CSMD1: variants seen among roughly 807,000 people sequenced by gnomAD.
CSMD1 encodes CUB and sushi domain-containing protein 1.
In CSMD1, 213 loss-of-function variants were observed where a neutral mutation model predicts 417.5. That is an observed-to-expected ratio of 0.51 (90% confidence interval 0.46 to 0.57). The LOEUF is 0.57. Ranked by LOEUF, CSMD1 falls within the 20% of genes least tolerant of loss-of-function variation. The probability of loss-of-function intolerance (pLI) is 0.00; values close to 1 mark genes in which losing one functional copy is unlikely to be tolerated. For synonymous variants in CSMD1, 2,862 were observed against 1,736.8 expected, an observed-to-expected ratio of 1.65 and a Z score of -16.11; for missense variants, 6,923 against 4,529.7, an observed-to-expected ratio of 1.53 and a Z score of -15.17.
At chr8:4,179,282 C>T (rs1461065125) in intron 3 of CSMD1, among the ~76,000 whole-genome samples, 1 of 152,122 alleles carries the variant, frequency 6.6e-6, no homozygotes, top group African/African-American at 2.4e-5. Flanking sequence ...CACGTATCTA[C>T]AACTATCTGA....
intron 3 of CSMD1, among the ~76,000 whole-genome samples, chr8:4,323,755 C>G (rs527541507): frequency 1.6e-5 from 1 of 61,008 alleles, no homozygotes; most frequent in Non-Finnish European, 5.4e-5. Context: ...CTCAAATATC[C>G]CCCCCTTCCC....
intron 3 of CSMD1, among the ~76,000 whole-genome samples, chr8:4,331,752 G>A (rs187916583): frequency 4.6e-5 from 7 of 152,064 alleles, no homozygotes; most frequent in East Asian, 1.9e-4. Flanking sequence ...AACCAGCTTC[G>A]GTCCATGTGC....
intron 1 of CSMD1, among the ~76,000 whole-genome samples, chr8:4,703,492 CAT>C (rs10610482): frequency 0.018 from 2,750 of 152,200 alleles, 34 homozygotes; most frequent in Non-Finnish European, 0.03. Flanking sequence ...TTATTTAAAA[CAT>C]GTATACTTCA....
rs531522160 is a variant in CSMD1, at chr8:4,387,808, T to A, written c.415+32145A>T. 9.2e-5 allele frequency among the ~76,000 whole-genome samples: 14 copies of A among 152,258 alleles called. No homozygotes were observed. In the South Asian group the frequency reaches 2.9e-3, roughly 32 times the overall value. On this transcript the variant is annotated intron_variant, in intron 3 of 69. Transcript: ENST00000635120. ...ACAAGACGGATTTTGAATATGCACT[T>A]CAAACCGTGTAGGTTTCTTTTCATA... is the stretch of plus-strand genomic sequence containing the variant.
In CSMD1 at chr8:4,416,994, T is replaced by C. The variant is rs78433737; in HGVS notation, c.415+2959A>G. ...TGTCAAAGACAGCTATGCAACTATG[T>C]TGGTTCACAATTAAGACTAATGTCC... is the stretch of plus-strand genomic sequence containing the variant. On this transcript the variant is annotated intron_variant, in intron 3 of 69. Coordinates refer to ENST00000635120, the MANE Select transcript of CSMD1 (RefSeq NM_033225.6). Among the ~76,000 whole-genome samples the C allele has an allele frequency of 5.8e-3, 879 of 152,160 alleles. 32 individuals carry two copies. The East Asian group carries it at 0.09, about 16-fold the overall frequency.
At chr8:4,179,088 A>C in intron 3 of CSMD1, among the ~76,000 whole-genome samples, 1 of 152,174 alleles carries the variant, frequency 6.6e-6, no homozygotes, top group Non-Finnish European at 1.5e-5. Context: ...TTTAAAGTTC[A>C]TATGGAAACA....
chr8:3,238,268 T>C (rs1459122940), intron 26 of CSMD1, among the ~76,000 whole-genome samples: 1 of 151,928 alleles, frequency 6.6e-6, no homozygotes. Flanking sequence ...GATAATGTCA[T>C]CAGTTAAGGC....
At chr8:4,350,961 T>C (rs1450884471) in intron 3 of CSMD1, among the ~76,000 whole-genome samples, 1 of 152,140 alleles carries the variant, frequency 6.6e-6, no homozygotes, top group Non-Finnish European at 1.5e-5. Flanking sequence ...CAAGTCATCG[T>C]TTAAAGCTTC....
intron 2 of CSMD1, among the ~76,000 whole-genome samples, chr8:4,452,502 G>C (rs767429234): frequency 6.6e-6 from 1 of 152,120 alleles, no homozygotes; most frequent in Admixed American, 6.6e-5. Context: ...GCTAACTACA[G>C]CTTTAATTTT....
At chr8:3,206,465 G>T (rs571939423) in intron 30 of CSMD1, among the ~76,000 whole-genome samples, 1 of 73,108 alleles carries the variant, frequency 1.4e-5, no homozygotes, top group Admixed American at 1.6e-4. Flanking sequence ...GTGTGTGGGG[G>T]GGTTATGTCT....
At chr8:4,955,035 G>T (rs13282812) in intron 1 of CSMD1, among the ~76,000 whole-genome samples, 69,439 of 151,860 alleles carry the variant, frequency 0.46, 16,597 homozygotes, top group African/African-American at 0.58. Context: ...TGATTTTCTC[G>T]GGACATCCAT....
intron 26 of CSMD1, among the ~76,000 whole-genome samples, chr8:3,281,611 G>A (rs570169299): frequency 2.0e-5 from 3 of 151,998 alleles, no homozygotes; most frequent in South Asian, 4.2e-4. Flanking sequence ...TTCTAACTCT[G>A]TGACTTTCAG....
intron 26 of CSMD1, among the ~76,000 whole-genome samples, chr8:3,244,943 T>C (rs1455470862): frequency 6.6e-6 from 1 of 152,140 alleles, no homozygotes; most frequent in Non-Finnish European, 1.5e-5. Context: ...TTCGGGAACA[T>C]GTGATCCTGA....
intron 5 of CSMD1, among the ~76,000 whole-genome samples, chr8:3,849,817 G>GCTTGGT (rs1554460599): frequency 2.6e-5 from 3 of 114,126 alleles, no homozygotes; most frequent in African/African-American, 1.3e-4. Context: ...ATCTTTTTTT[G>GCTTGGT]TTTGGTTTTT....
chr8:4,698,750 T>C (rs887551585), intron 1 of CSMD1, among the ~76,000 whole-genome samples: 11 of 75,552 alleles, frequency 1.5e-4, no homozygotes, highest in Non-Finnish European at 2.5e-4. Context: ...CTAAACTCTC[T>C]GCCCCTTAAA....
intron 3 of CSMD1, among the ~76,000 whole-genome samples, chr8:4,404,497 A>T (rs1226493989): frequency 6.6e-6 from 1 of 152,206 alleles, no homozygotes; most frequent in Non-Finnish European, 1.5e-5. Flanking sequence ...AGTGATACAA[A>T]GATGAGCAGT....
chr8:4,138,822 G>A (rs1033734629), intron 3 of CSMD1, among the ~76,000 whole-genome samples: 1 of 151,996 alleles, frequency 6.6e-6, no homozygotes, highest in African/African-American at 2.4e-5. Flanking sequence ...TTTTGCCCCT[G>A]AGGCAAATTC....
At chr8:3,611,785 T>C (rs950682480) in intron 8 of CSMD1, among the ~76,000 whole-genome samples, 1 of 152,124 alleles carries the variant, frequency 6.6e-6, no homozygotes, top group Non-Finnish European at 1.5e-5. Flanking sequence ...ACTCGATGAA[T>C]CATTATTTTC....
At chr8:4,003,329 C>T (rs1323601717) in intron 4 of CSMD1, among the ~76,000 whole-genome samples, 1 of 151,930 alleles carries the variant, frequency 6.6e-6, no homozygotes. Flanking sequence ...GGAGGTGGAG[C>T]TTGCAGTGAG....
Sources: gnomAD v4.1 joint callset for allele counts (sites outside exome capture counted in the v4.1 genomes callset) on GRCh38, gnomAD v4.1.1 for gene constraint, MANE v1.5 for transcripts, NCBI Gene and HGNC (gene_info 2026-07-23, HGNC 2026-07-21) for gene names.